Variants in TCAIM observed in about 807,000 individuals in gnomAD.
The protein encoded by TCAIM is T-cell activation inhibitor, mitochondrial.
Under a neutral mutation model 58.6 loss-of-function variants are expected in TCAIM, and 36 were observed. The ratio of observed to expected loss-of-function variants is 0.61; its 90% CI spans 0.47 to 0.81. TCAIM has a LOEUF of 0.81. Ranked by LOEUF, TCAIM falls within the 30% of genes least tolerant of loss-of-function variation. The pLI, the probability that TCAIM is intolerant of heterozygous loss-of-function variation, is 0.00. For missense variants in TCAIM, 466 were observed against 579.6 expected, an observed-to-expected ratio of 0.80 and a Z score of 2.01; for synonymous variants, 172 against 193.6, an observed-to-expected ratio of 0.89 and a Z score of 0.93.
rs1052353709 is a variant in TCAIM, at chr3:44,358,818, T to A, written c.165+942T>A. The A allele has an allele frequency of 7.1e-6, 7 of 985,302 alleles. No homozygotes were observed. In the Admixed American group the frequency reaches 4.3e-4, roughly 61 times the overall value. The allele number at this position is 985,302 out of a possible 1,614,324, so 61.0% of individuals were successfully genotyped here. A position where few individuals can be genotyped will look rare whatever the true frequency, so the allele number is the denominator to read the frequency against. The stretch of plus-strand genomic sequence containing the variant: ...ATCTAGTTTAATATGAAAAGGAACT[T>A]GAAATCTTGAAAATTAGAACATCGT... On this transcript the variant is annotated intron_variant, in intron 3 of 10. Coordinates refer to ENST00000342649, the MANE Select transcript of TCAIM (RefSeq NM_173826.4).
intron 5 of TCAIM, among the ~76,000 whole-genome samples, chr3:44,379,917 G>C (rs572489572): frequency 6.6e-6 from 1 of 152,106 alleles, no homozygotes; most frequent in East Asian, 1.9e-4. Context: ...GGAGGGAGAG[G>C]ATCAGGAACA....
intron 1 of TCAIM, among the ~76,000 whole-genome samples, chr3:44,346,322 G>A (rs866896342): frequency 6.6e-6 from 1 of 152,168 alleles, no homozygotes; most frequent in African/African-American, 2.4e-5. Context: ...CCAAGGAATT[G>A]TGTCTGACAG....
intron 8 of TCAIM, among the ~76,000 whole-genome samples, chr3:44,398,467 AGAT>A (rs1701972794): frequency 6.6e-6 from 1 of 151,904 alleles, no homozygotes; most frequent in African/African-American, 2.4e-5. Flanking sequence ...ATAGATAGAT[AGAT>A]AGATAGATAG....
intron 1 of TCAIM, among the ~76,000 whole-genome samples, chr3:44,353,418 T>C (rs1168798257): frequency 6.6e-6 from 1 of 152,238 alleles, no homozygotes; most frequent in African/African-American, 2.4e-5. Context: ...GACATAGTTT[T>C]CAGTTTGTTT....
chr3:44,357,437 A>G (rs1412185833), intron 2 of TCAIM, among the ~76,000 whole-genome samples: 1 of 152,248 alleles, frequency 6.6e-6, no homozygotes, highest in Admixed American at 6.5e-5. Context: ...GATCTGAATA[A>G]GAAACTTATA....
chr3:44,382,013 A>G (rs1701662982), intron 5 of TCAIM, among the ~76,000 whole-genome samples: 1 of 152,334 alleles, frequency 6.6e-6, no homozygotes, highest in East Asian at 1.9e-4. Flanking sequence ...TTCTATGATC[A>G]AGGATCAGAA....
At chr3:44,344,097 C>T (rs1408708801) in intron 1 of TCAIM, among the ~76,000 whole-genome samples, 1 of 148,390 alleles carries the variant, frequency 6.7e-6, no homozygotes, top group African/African-American at 2.5e-5. Context: ...TCTCAGCTCA[C>T]TGCAAACTCC....
intron 1 of TCAIM, among the ~76,000 whole-genome samples, chr3:44,350,680 A>G (rs1054963287): frequency 5.9e-5 from 9 of 152,148 alleles, no homozygotes; most frequent in African/African-American, 2.2e-4. Flanking sequence ...CTCCTGCTGC[A>G]GCCTCCCGAA....
chr3:44,384,581 T>C (rs138291909), intron 5 of TCAIM, among the ~76,000 whole-genome samples: 495 of 152,358 alleles, frequency 3.2e-3, no homozygotes, highest in Non-Finnish European at 4.3e-3. Flanking sequence ...TCACAGGACA[T>C]ACATTAGGGA....
At chr3:44,402,593 C>T (rs921012062) in intron 10 of TCAIM, among the ~76,000 whole-genome samples, 17 of 152,208 alleles carry the variant, frequency 1.1e-4, no homozygotes, top group African/African-American at 3.6e-4. Flanking sequence ...TTTACTGTGA[C>T]TGTTACGTGC....
At chr3:44,344,989 G>C (rs974053378) in intron 1 of TCAIM, among the ~76,000 whole-genome samples, 1 of 152,118 alleles carries the variant, frequency 6.6e-6, no homozygotes, top group Non-Finnish European at 1.5e-5. Flanking sequence ...CAGGCCATCT[G>C]GATGTATACG....
At chr3:44,340,458 C>T (rs1337406099) in intron 1 of TCAIM, 1 of 152,138 alleles carries the variant, frequency 6.6e-6, no homozygotes, top group African/African-American at 2.4e-5. Flanking sequence ...GACATTGTCT[C>T]TACTTAGAAT....
intron 1 of TCAIM, among the ~76,000 whole-genome samples, chr3:44,354,128 G>A (rs554668330): frequency 3.3e-5 from 5 of 152,160 alleles, no homozygotes; most frequent in African/African-American, 9.6e-5. Context: ...TAATTTTTTC[G>A]CATGTGGATG....
chr3:44,386,292 T>C (rs902841421), intron 5 of TCAIM, among the ~76,000 whole-genome samples: 3 of 151,462 alleles, frequency 2.0e-5, no homozygotes, highest in African/African-American at 7.3e-5. Flanking sequence ...AGTGGGAGGA[T>C]TGCTTGAGCC....
At chr3:44,360,886 A>C (rs1559565509) in intron 3 of TCAIM, among the ~76,000 whole-genome samples, 1 of 152,202 alleles carries the variant, frequency 6.6e-6, no homozygotes, top group Admixed American at 6.5e-5. Context: ...GGGATTATAG[A>C]CATGAGCCAC....
chr3:44,348,746 C>T (rs1318686215), intron 1 of TCAIM, among the ~76,000 whole-genome samples: 1 of 152,116 alleles, frequency 6.6e-6, no homozygotes, highest in South Asian at 2.1e-4. Context: ...AATAAGATGG[C>T]CTTCTGGCCC....
In TCAIM at chr3:44,342,938, A is replaced by C. The variant is rs927416958; in HGVS notation, c.-45+4104A>C. On this transcript the variant is annotated intron_variant, in intron 1 of 10. Coordinates refer to ENST00000342649, the MANE Select transcript of TCAIM (RefSeq NM_173826.4). The stretch of plus-strand genomic sequence containing the variant: ...GATCAGCTGAGGTCAGGAGTTCGAG[A>C]CCAGCCTGGCCAACATGGAGAAACT... Among the ~76,000 whole-genome samples, 13 of 152,132 alleles carry C rather than the reference A, an allele frequency of 8.5e-5. No individual in the cohort carries two copies. The South Asian group carries it at 1.2e-3, about 15-fold the overall frequency.
chr3:44,365,504 T>A (rs938224235), intron 4 of TCAIM, among the ~76,000 whole-genome samples: 2 of 152,080 alleles, frequency 1.3e-5, no homozygotes, highest in African/African-American at 4.8e-5. Flanking sequence ...ATTTTTGTAT[T>A]TTTAGTAGAG....
At chr3:44,344,452 A>C (rs1700922999) in intron 1 of TCAIM, among the ~76,000 whole-genome samples, 1 of 152,224 alleles carries the variant, frequency 6.6e-6, no homozygotes, top group African/African-American at 2.4e-5. Flanking sequence ...TAAAAACAAC[A>C]GAAATATATT....
Sources: gnomAD v4.1 joint callset for allele counts (sites outside exome capture counted in the v4.1 genomes callset) on GRCh38, gnomAD v4.1.1 for gene constraint, MANE v1.5 for transcripts, NCBI Gene and HGNC (gene_info 2026-07-23, HGNC 2026-07-21) for gene names.